Variants in CCDC171 observed in about 807,000 individuals in gnomAD.
The protein encoded by CCDC171 is coiled-coil domain containing 171.
In CCDC171, 177 loss-of-function variants were observed where a neutral mutation model predicts 168.2. That is an observed-to-expected ratio of 1.05 (90% CI 0.93 to 1.19). The LOEUF (loss-of-function observed/expected upper bound fraction) is 1.19. CCDC171 is among the 50% of genes most tolerant of loss of function. CCDC171 has a pLI of 0.00. For missense variants in CCDC171, 1,991 were observed against 1,539.0 expected (o/e 1.29, Z -4.91); for synonymous variants, 687 against 540.8 (o/e 1.27, Z -3.75).
intron 16 of CCDC171, among the ~76,000 whole-genome samples, chr9:15,742,555 C>T (rs1295712287): frequency 2.0e-5 from 3 of 152,156 alleles, no homozygotes; most frequent in East Asian, 1.9e-4. Context: ...AAGCAGTCTG[C>T]GTAGCTACTG....
At chr9:15,754,418 A>C (rs2055963966) in intron 18 of CCDC171, among the ~76,000 whole-genome samples, 1 of 152,108 alleles carries the variant, frequency 6.6e-6, no homozygotes, top group Non-Finnish European at 1.5e-5. Context: ...ATACTTTTTG[A>C]GCATTGTGTA....
At chr9:15,952,873 A>G (rs1829363843) in intron 25 of CCDC171, among the ~76,000 whole-genome samples, 1 of 152,138 alleles carries the variant, frequency 6.6e-6, no homozygotes, top group Admixed American at 6.6e-5. Flanking sequence ...GTTTTGTAGT[A>G]TCCATTATAC....
At chr9:15,875,408 T>A (rs766515589) in intron 24 of CCDC171, 13 of 152,024 alleles carry the variant, frequency 8.6e-5, no homozygotes, top group Non-Finnish European at 1.8e-4. Flanking sequence ...TCCTTAAGGT[T>A]ATTTTTCTTA....
intron 18 of CCDC171, among the ~76,000 whole-genome samples, chr9:15,759,189 G>A (rs1262304274): frequency 6.6e-6 from 1 of 152,028 alleles, no homozygotes; most frequent in Non-Finnish European, 1.5e-5. Flanking sequence ...ATATCATAGA[G>A]TACATAGGTT....
chr9:15,583,861 A>G (rs1305020385), intron 4 of CCDC171, among the ~76,000 whole-genome samples: 1 of 152,002 alleles, frequency 6.6e-6, no homozygotes, highest in Non-Finnish European at 1.5e-5. Context: ...AAATGTTAAG[A>G]TATAATTTTC....
At chr9:15,604,250 T>G (rs1241345592) in intron 6 of CCDC171, among the ~76,000 whole-genome samples, 1 of 152,140 alleles carries the variant, frequency 6.6e-6, no homozygotes. Flanking sequence ...CTCTTAAGTT[T>G]TTAATTAGAT....
chr9:16,021,483 C>T (rs1433799518), intron 4 of CCDC171, among the ~76,000 whole-genome samples: 7 of 152,160 alleles, frequency 4.6e-5, no homozygotes, highest in Non-Finnish European at 1.0e-4. Flanking sequence ...AGAATGTTGT[C>T]AAGTGAGGAA....
chr9:15,594,583 A>G (rs1312351671), intron 6 of CCDC171, among the ~76,000 whole-genome samples: 1 of 152,084 alleles, frequency 6.6e-6, no homozygotes, highest in Non-Finnish European at 1.5e-5. Context: ...ATTATCCTCT[A>G]TTCCTCCACC....
At chr9:15,813,306 T>C (rs1458078161) in intron 21 of CCDC171, among the ~76,000 whole-genome samples, 2 of 152,244 alleles carry the variant, frequency 1.3e-5, no homozygotes, top group African/African-American at 2.4e-5. Context: ...GGAAGCCATG[T>C]GTTAAAGATA....
chr9:15,921,931 C>T (rs1270998648), intron 25 of CCDC171, among the ~76,000 whole-genome samples: 1 of 151,436 alleles, frequency 6.6e-6, no homozygotes, highest in African/African-American at 2.4e-5. Context: ...AATATGAAAA[C>T]AATTACTTGT....
chr9:16,042,082 T>A (rs2133057286), upstream of CCDC171, among the ~76,000 whole-genome samples: 1 of 152,240 alleles, frequency 6.6e-6, no homozygotes, highest in African/African-American at 2.4e-5. Context: ...GCCAGGGAGT[T>A]TTAATGACTT....
At chr9:15,929,503 C>A (rs1359952) in intron 25 of CCDC171, among the ~76,000 whole-genome samples, 10 of 151,562 alleles carry the variant, frequency 6.6e-5, no homozygotes, top group African/African-American at 2.4e-4. Context: ...TCTGAAATAA[C>A]TGTCCACCTT....
chr9:15,712,137 G>T (rs530976654), intron 11 of CCDC171, among the ~76,000 whole-genome samples: 1 of 152,308 alleles, frequency 6.6e-6, no homozygotes, highest in South Asian at 2.1e-4. Flanking sequence ...CTTACTCAGG[G>T]TTTTATTCTC....
Position 15,660,050 on chromosome 9 carries a change from A to G in CCDC171, c.915+2831A>G, listed in dbSNP as rs112522643. On this transcript the variant is annotated intron_variant, in intron 8 of 25. Transcript: ENST00000380701. ...TTCCTATCTTGTTTTAATTAATGCAATTTATAGTGTTTTACCTTATTGTTT... is the reference window on the plus strand; with the variant it reads ...TTCCTATCTTGTTTTAATTAATGCAGTTTATAGTGTTTTACCTTATTGTTT... Among the ~76,000 whole-genome samples the G allele has an allele frequency of 1.8e-4, 27 of 152,278 alleles. 3 individuals are homozygous for G. Among genetic ancestry groups the G allele is most frequent in the African/African-American group, 6.3e-4 (26 of 41,566 alleles).
intron 4 of CCDC171, among the ~76,000 whole-genome samples, chr9:15,583,239 A>T (rs1587137571): frequency 6.6e-6 from 1 of 151,920 alleles, no homozygotes; most frequent in African/African-American, 2.4e-5. Flanking sequence ...AGGTGGTGGA[A>T]CCCCGTCTCT....
At chr9:16,027,756 C>T (rs1011038550) in intron 6 of CCDC171, among the ~76,000 whole-genome samples, 8 of 152,156 alleles carry the variant, frequency 5.3e-5, no homozygotes, top group Non-Finnish European at 1.2e-4. Context: ...CAAGGGCGAA[C>T]AGGGACGGCA....
rs528939836 is a variant in CCDC171, at chr9:15,838,669, C to G, written c.3268-8033C>G. ...CTGGTCTTGAACTCCTGGCCTCAAGCAATCTGCCCACCTCAGCCGCCCAAA... is the reference window on the plus strand; with the variant it reads ...CTGGTCTTGAACTCCTGGCCTCAAGGAATCTGCCCACCTCAGCCGCCCAAA... On this transcript the variant is annotated intron_variant, in intron 21 of 25. Transcript: ENST00000380701. 7.2e-5 allele frequency among the ~76,000 whole-genome samples: 11 copies of G among 152,292 alleles called. No individual in the cohort carries two copies. The South Asian group carries it at 2.3e-3, about 32-fold the overall frequency.
chr9:15,606,179 T>C (rs1242360958), intron 6 of CCDC171, among the ~76,000 whole-genome samples: 1 of 152,208 alleles, frequency 6.6e-6, no homozygotes, highest in East Asian at 1.9e-4. Flanking sequence ...TTTTTGGACC[T>C]AGGTTGACTC....
chr9:15,926,113 T>C (rs1825862895), intron 25 of CCDC171, among the ~76,000 whole-genome samples: 1 of 151,680 alleles, frequency 6.6e-6, no homozygotes, highest in South Asian at 2.1e-4. Context: ...CATTCTAACA[T>C]TGTCAGAAGA....
Sources: gnomAD v4.1 joint callset for allele counts (sites outside exome capture counted in the v4.1 genomes callset) on GRCh38, gnomAD v4.1.1 for gene constraint, MANE v1.5 for transcripts, NCBI Gene and HGNC (gene_info 2026-07-23, HGNC 2026-07-21) for gene names.